The following CELF2 variants were observed in gnomAD, a reference collection of about 807,000 sequenced individuals.
CELF2 encodes the protein CUGBP Elav-like family member 2.
A neutral mutation model predicts 62.6 loss-of-function variants in CELF2; 8 were observed. The observed-to-expected ratio is 0.13, with a 90% CI of 0.07 to 0.23. The LOEUF (loss-of-function observed/expected upper bound fraction) is 0.23. CELF2 is among the 10% of genes least tolerant of loss of function. The pLI, the probability that CELF2 is intolerant of heterozygous loss-of-function variation, is 1.00. For missense variants in CELF2, 333 were observed against 671.0 expected, an observed-to-expected ratio of 0.50 and a Z score of 5.56; for synonymous variants, 258 against 250.0, an observed-to-expected ratio of 1.03 and a Z score of -0.30.
At chr10:10,760,577 G>C in the CELF2 span, among the ~76,000 whole-genome samples, 1 of 152,192 alleles carries the variant, frequency 6.6e-6, no homozygotes, top group African/African-American at 2.4e-5. Flanking sequence ...GTGAATGGGG[G>C]ATGTGTATGA....
the CELF2 span, among the ~76,000 whole-genome samples, chr10:10,702,198 C>T: frequency 6.6e-6 from 1 of 151,952 alleles, no homozygotes; most frequent in Non-Finnish European, 1.5e-5. Flanking sequence ...AAGGAGAGGC[C>T]CAAAATGTAA....
the CELF2 span, among the ~76,000 whole-genome samples, chr10:10,486,639 A>G: frequency 1.3e-5 from 2 of 152,078 alleles, no homozygotes; most frequent in African/African-American, 4.8e-5. Flanking sequence ...TGAAATCTGA[A>G]AAGCTCCAAT....
At chr10:11,051,415 T>C (rs2063897528) in intron 1 of CELF2, among the ~76,000 whole-genome samples, 1 of 152,248 alleles carries the variant, frequency 6.6e-6, no homozygotes, top group African/African-American at 2.4e-5. Context: ...GGCAGTATCC[T>C]TAGCCTATAT....
the CELF2 span, among the ~76,000 whole-genome samples, chr10:10,629,125 T>C: frequency 6.6e-6 from 1 of 152,190 alleles, no homozygotes; most frequent in Non-Finnish European, 1.5e-5. Flanking sequence ...GCCCTAACTT[T>C]GGGCCTCTGC....
At chr10:11,107,719 C>T (rs2053882768) in intron 1 of CELF2, among the ~76,000 whole-genome samples, 1 of 151,474 alleles carries the variant, frequency 6.6e-6, no homozygotes, top group African/African-American at 2.4e-5. Flanking sequence ...CCAGGTCTCC[C>T]CTTGTTCCTT....
chr10:10,848,322 C>G (rs1403138458), intron 1 of CELF2, among the ~76,000 whole-genome samples: 1 of 152,136 alleles, frequency 6.6e-6, no homozygotes, highest in East Asian at 1.9e-4. Context: ...TGGCTCCTTT[C>G]CCCTGTCTGT....
the CELF2 span, among the ~76,000 whole-genome samples, chr10:10,671,865 G>A: frequency 6.6e-6 from 1 of 152,004 alleles, no homozygotes; most frequent in Non-Finnish European, 1.5e-5. Flanking sequence ...GAGTAGCTGG[G>A]ATTACAGGCA....
chr10:11,116,162 G>A (rs554167819), intron 1 of CELF2, among the ~76,000 whole-genome samples: 1 of 152,316 alleles, frequency 6.6e-6, no homozygotes, highest in South Asian at 2.1e-4. Context: ...CTGCAAGAAT[G>A]CTAGATCGTA....
intron 2 of CELF2, among the ~76,000 whole-genome samples, chr10:10,998,030 T>A (rs1356888577): frequency 6.6e-6 from 1 of 152,138 alleles, no homozygotes; most frequent in East Asian, 1.9e-4. Context: ...AAAGGGGAGT[T>A]CCTCTGCACA....
intron 1 of CELF2, among the ~76,000 whole-genome samples, chr10:10,816,192 C>A (rs763803656): frequency 1.3e-5 from 2 of 152,156 alleles, no homozygotes; most frequent in African/African-American, 4.8e-5. Context: ...ACAGTTCAGA[C>A]AAGAGACAAA....
rs571699948 is a variant in CELF2, at chr10:10,832,665, C to T, written c.53+33848C>T. On this transcript the variant is annotated intron_variant, in intron 1 of 13. Coordinates refer to the CELF2 transcript ENST00000636488. ...TGACTAAATAGTCCATGATTCAGGGCGGAAATCCCATACCGGATCCATTTA... is the reference window on the plus strand; with the variant it reads ...TGACTAAATAGTCCATGATTCAGGGTGGAAATCCCATACCGGATCCATTTA... 1.3e-3 allele frequency among the ~76,000 whole-genome samples: 199 copies of T among 152,238 alleles called. 1 individual carries two copies. Among genetic ancestry groups the T allele is most frequent in the African/African-American group, 4.4e-3 (183 of 41,538 alleles).
the CELF2 span, among the ~76,000 whole-genome samples, chr10:10,767,866 G>C: frequency 7.1e-6 from 1 of 140,588 alleles, no homozygotes; most frequent in African/African-American, 2.7e-5. Context: ...CGTGGTGGCG[G>C]GCGCCTGTAG....
Position 11,315,605 on chromosome 10 carries a change from G to A in CELF2, c.1096+1347G>A, listed in dbSNP as rs1448866575. Among the ~76,000 whole-genome samples the A allele has an allele frequency of 3.3e-5, 5 of 152,142 alleles. No homozygotes were observed. The highest frequency in any genetic ancestry group is 1.2e-4 in the African/African-American group (5 of 41,418). On this transcript the variant is annotated intron_variant, in intron 10 of 12. Coordinates refer to ENST00000633077, the MANE Select transcript of CELF2 (RefSeq NM_001326342.2). The surrounding 1 kb of genome is among the most constrained non-coding windows in gnomAD (Gnocchi z 5.8). Reference sequence around the variant, plus strand: ...CTTTGTATTTAGTACATCTTTTGGGGAAAAGCGAAAACGTGGACCGAGCTT... The same window carrying A: ...CTTTGTATTTAGTACATCTTTTGGGAAAAAGCGAAAACGTGGACCGAGCTT...
intron 1 of CELF2, among the ~76,000 whole-genome samples, chr10:10,899,249 A>C (rs1342205572): frequency 2.0e-5 from 3 of 152,232 alleles, no homozygotes; most frequent in African/African-American, 7.2e-5. Context: ...AACAGAAAAC[A>C]GAAAACCAAC....
At chr10:10,998,648 C>T (rs1364231353) in intron 2 of CELF2, among the ~76,000 whole-genome samples, 2 of 152,140 alleles carry the variant, frequency 1.3e-5, no homozygotes, top group Non-Finnish European at 2.9e-5. Context: ...GGGAGGTCAG[C>T]AGAGCGCAGG....
At chr10:11,022,157 A>G (rs1174590863) in intron 1 of CELF2, among the ~76,000 whole-genome samples, 1 of 152,228 alleles carries the variant, frequency 6.6e-6, no homozygotes, top group African/African-American at 2.4e-5. Flanking sequence ...TAAAATGAGA[A>G]AAGTCTAAAG....
chr10:10,969,497 C>T (rs1243635775), intron 2 of CELF2, among the ~76,000 whole-genome samples: 2 of 152,166 alleles, frequency 1.3e-5, no homozygotes, highest in Non-Finnish European at 2.9e-5. Flanking sequence ...ATACCAATAA[C>T]AAATAAACTA....
chr10:10,686,424 G>A, the CELF2 span, among the ~76,000 whole-genome samples: 1 of 151,788 alleles, frequency 6.6e-6, no homozygotes, highest in Non-Finnish European at 1.5e-5. Flanking sequence ...GCAGGGTTGT[G>A]ATCACCGCAT....
the CELF2 span, among the ~76,000 whole-genome samples, chr10:10,495,004 C>T: frequency 1.3e-5 from 2 of 152,060 alleles, no homozygotes; most frequent in Non-Finnish European, 2.9e-5. Context: ...TGGCCAGGTG[C>T]AATGGTTCAT....
Sources: allele counts gnomAD v4.1 joint callset (sites outside exome capture counted in the v4.1 genomes callset), GRCh38; gene constraint gnomAD v4.1.1; non-coding constraint Gnocchi (gnomAD v3.1); transcripts MANE v1.5; gene names NCBI Gene and HGNC (gene_info 2026-07-23, HGNC 2026-07-21).